The following PTH2R variants were observed in gnomAD, a reference collection of about 807,000 sequenced individuals.
PTH2R encodes PTH2 receptor.
A neutral mutation model predicts 60.3 loss-of-function variants in PTH2R; 59 were observed. That is an observed-to-expected ratio of 0.98 (90% CI 0.79 to 1.22). PTH2R has a LOEUF of 1.22. Among genes scored for constraint, PTH2R ranks in the 50% most tolerant of loss-of-function variants. PTH2R has a pLI of 0.00. For missense variants in PTH2R, 749 were observed against 682.6 expected, an observed-to-expected ratio of 1.10 and a Z score of -1.08; for synonymous variants, 256 against 243.8, an observed-to-expected ratio of 1.05 and a Z score of -0.47.
Position 208,459,909 on chromosome 2 carries a change from G to C in PTH2R, c.929G>C (p.Ser310Thr), listed in dbSNP as rs150768795. ...CAATGTCTCAGGTGCTGGGAACTTAGTGCTGGAGACATCAAGTGGATTTAT... is the reference window on the plus strand; with the variant it reads ...CAATGTCTCAGGTGCTGGGAACTTACTGCTGGAGACATCAAGTGGATTTAT... ...TLADARCWEL[S>T]AGDIKWIYQA... The change falls in exon 9 of 13, where the codon AGT (serine) becomes ACT (threonine). Residue 310 changes from serine (S) to threonine (T), a missense_variant. Physicochemically the swap from Ser to Thr is moderately conservative, Grantham distance 58 (BLOSUM62 1). Transcript: ENST00000272847. 4.3e-6 allele frequency: 7 copies of C among 1,613,126 alleles called. No homozygotes were observed. The highest frequency in any genetic ancestry group is 1.7e-5 in the Admixed American group (1 of 59,958).
chr2:208,437,382 G>A (rs765004037), intron 2 of PTH2R, among the ~76,000 whole-genome samples, 155 bp from the exon 3 acceptor site: 2 of 152,114 alleles, frequency 1.3e-5, no homozygotes, highest in Non-Finnish European at 2.9e-5. Flanking sequence ...TGGGACATTT[G>A]CATCATATCT....
chr2:208,410,057 A>G (rs1290859699), intron 1 of PTH2R, among the ~76,000 whole-genome samples: 7 of 152,178 alleles, frequency 4.6e-5, no homozygotes, highest in African/African-American at 1.7e-4. Context: ...GGTGCCCATC[A>G]GAGGAGTCCC....
chr2:208,483,730 A>G (rs1452460249), intron 10 of PTH2R, among the ~76,000 whole-genome samples: 1 of 152,248 alleles, frequency 6.6e-6, no homozygotes, highest in Non-Finnish European at 1.5e-5. Context: ...GAAGTCAGAA[A>G]AAGTATTTTT....
intron 2 of PTH2R, among the ~76,000 whole-genome samples, chr2:208,430,546 CT>C (rs760898660): frequency 2.1e-3 from 248 of 118,224 alleles, no homozygotes; most frequent in Middle Eastern, 4.6e-3. Flanking sequence ...TGTCTGGCTT[CT>C]TTTTTTTTTT....
At chr2:208,454,920 A>G (rs1163128085) in intron 8 of PTH2R, among the ~76,000 whole-genome samples, 3 of 152,050 alleles carry the variant, frequency 2.0e-5, no homozygotes, top group Non-Finnish European at 4.4e-5. Context: ...GAATACCTAA[A>G]CTCTATAAAG....
intron 9 of PTH2R, among the ~76,000 whole-genome samples, chr2:208,475,327 A>G (rs1702976933): frequency 6.6e-6 from 1 of 152,198 alleles, no homozygotes; most frequent in African/African-American, 2.4e-5. Context: ...TTCTTATAGT[A>G]CATACATCTA....
intron 10 of PTH2R, among the ~76,000 whole-genome samples, chr2:208,485,409 C>T (rs1164102761): frequency 1.3e-5 from 2 of 152,140 alleles, no homozygotes; most frequent in African/African-American, 4.8e-5. Context: ...TATTGGACAG[C>T]TGTGCATTTT....
chr2:208,361,471 T>C (rs1700472261), intron 1 of PTH2R: 1 of 152,212 alleles, frequency 6.6e-6, no homozygotes, highest in African/African-American at 2.4e-5. Flanking sequence ...AAATGCATAA[T>C]GCAATTTTAC....
At chr2:208,396,130 C>T (rs569003275) in intron 1 of PTH2R, among the ~76,000 whole-genome samples, 1 of 152,310 alleles carries the variant, frequency 6.6e-6, no homozygotes, top group Admixed American at 6.5e-5. Context: ...GAAACTGGAT[C>T]CCTTCCTTAC....
intron 12 of PTH2R, among the ~76,000 whole-genome samples, chr2:208,492,767 A>G (rs879184621): frequency 6.6e-6 from 1 of 152,164 alleles, no homozygotes; most frequent in Non-Finnish European, 1.5e-5. Flanking sequence ...TCCTGGCAGC[A>G]CTGAGCTTTC....
chr2:208,380,601 G>T (rs1306491579), intron 1 of PTH2R, among the ~76,000 whole-genome samples: 1 of 152,042 alleles, frequency 6.6e-6, no homozygotes, highest in Admixed American at 6.6e-5. Context: ...GTTCTCCTTG[G>T]TAATGGAGTG....
At chr2:208,491,827 A>C (rs182140013) in intron 12 of PTH2R, among the ~76,000 whole-genome samples, 1 of 152,028 alleles carries the variant, frequency 6.6e-6, no homozygotes. Context: ...TCTGTGCCCG[A>C]GCTGTCTTAT....
intron 9 of PTH2R, chr2:208,469,750 C>T (rs189315504): frequency 6.6e-6 from 1 of 152,172 alleles, no homozygotes; most frequent in East Asian, 1.9e-4. Flanking sequence ...CCTGTGTCAT[C>T]TTGATGTTGA....
At chr2:208,378,177 C>T (rs1700843509) in intron 1 of PTH2R, among the ~76,000 whole-genome samples, 1 of 151,890 alleles carries the variant, frequency 6.6e-6, no homozygotes, top group South Asian at 2.1e-4. Context: ...TGGAGACCAG[C>T]CCGGCCAACA....
intron 9 of PTH2R, among the ~76,000 whole-genome samples, chr2:208,469,001 A>C (rs1702819310): frequency 6.6e-6 from 1 of 152,198 alleles, no homozygotes; most frequent in African/African-American, 2.4e-5. Context: ...AAATTAAAGA[A>C]CTTGTGAGTT....
At chr2:208,448,503 G>A (rs1199751693) in intron 7 of PTH2R, among the ~76,000 whole-genome samples, 6 of 150,940 alleles carry the variant, frequency 4.0e-5, no homozygotes, top group Non-Finnish European at 8.9e-5. Flanking sequence ...GCGTGGCAGC[G>A]TGCGCCTGCA....
Position 208,407,129 on chromosome 2 carries a change from G to A in PTH2R, c.75+11G>A. Reference sequence around the variant, plus strand: ...CTGGCCAGAGCCCAGGTAAGAGCCAGTGCTCCGCGACACCTGTTTTCGCGG... The same window carrying A: ...CTGGCCAGAGCCCAGGTAAGAGCCAATGCTCCGCGACACCTGTTTTCGCGG... On this transcript the variant is annotated intron_variant, in intron 1 of 12. Coordinates refer to ENST00000272847, the MANE Select transcript of PTH2R (RefSeq NM_005048.4). 2.8e-6 allele frequency: 4 copies of A among 1,404,908 alleles called. No homozygotes were observed. Among genetic ancestry groups the A allele is most frequent in the Non-Finnish European group, 3.7e-6 (4 of 1,072,954 alleles). The allele number at this position is 1,404,908 out of a possible 1,614,324, so 87.0% of individuals were successfully genotyped here.
intron 2 of PTH2R, among the ~76,000 whole-genome samples, chr2:208,434,929 GC>G (rs1702045207): frequency 6.6e-6 from 1 of 152,202 alleles, no homozygotes; most frequent in Admixed American, 6.5e-5. Context: ...ATGGGCTCCT[GC>G]CTTGCCTGTG....
Position 208,489,267 on chromosome 2 carries a change from T to G in PTH2R, c.1215+117T>G, listed in dbSNP as rs1042207412. The G allele has an allele frequency of 5.3e-6, 7 of 1,320,914 alleles. No individual in the cohort carries two copies. In the East Asian group the frequency reaches 1.7e-4, roughly 31 times the overall value. 81.8% of individuals were successfully genotyped at this position (1,320,914 alleles called of 1,614,324 possible). A position where few individuals can be genotyped will look rare whatever the true frequency, so the allele number is the denominator to read the frequency against. On this transcript the variant is annotated intron_variant, in intron 11 of 12. Coordinates refer to ENST00000272847, the MANE Select transcript of PTH2R (RefSeq NM_005048.4). The stretch of plus-strand genomic sequence containing the variant: ...GCTTTGATGCACCTGTCTGGGGAGT[T>G]GGGGGGTGCAGAAAGGTCAATATTT...
Sources: gnomAD v4.1 joint callset for allele counts (sites outside exome capture counted in the v4.1 genomes callset) on GRCh38, gnomAD v4.1.1 for gene constraint, MANE v1.5 for transcripts, NCBI Gene and HGNC (gene_info 2026-07-23, HGNC 2026-07-21) for gene names.